The following SPIDR variants were observed in gnomAD, a reference collection of about 807,000 sequenced individuals.
SPIDR encodes the protein scaffold protein involved in DNA repair.
SPIDR carries 93 observed loss-of-function variants against 104.6 expected under a neutral mutation model. The ratio of observed to expected loss-of-function variants is 0.89; its 90% CI spans 0.75 to 1.06. SPIDR has a LOEUF of 1.06. Among genes scored for constraint, SPIDR ranks in the 50% least tolerant of loss-of-function variants. SPIDR has a pLI of 0.00. For missense variants in SPIDR, 1,154 were observed against 1,111.2 expected, an observed-to-expected ratio of 1.04 and a Z score of -0.55; for synonymous variants, 431 against 416.9, an observed-to-expected ratio of 1.03 and a Z score of -0.41.
intron 8 of SPIDR, among the ~76,000 whole-genome samples, chr8:47,585,113 G>A (rs552131144): frequency 4.6e-5 from 7 of 152,220 alleles, no homozygotes; most frequent in Admixed American, 2.6e-4. Flanking sequence ...TAAGCTTTAC[G>A]TATAATTAAT....
At chr8:47,551,676 T>C (rs190277064) in intron 8 of SPIDR, among the ~76,000 whole-genome samples, 1 of 152,208 alleles carries the variant, frequency 6.6e-6, no homozygotes, top group Non-Finnish European at 1.5e-5. Flanking sequence ...TCTTTATCAG[T>C]CTTGCTAGCG....
intron 8 of SPIDR, among the ~76,000 whole-genome samples, chr8:47,502,276 T>G (rs1317215030): frequency 2.0e-5 from 3 of 152,170 alleles, no homozygotes; most frequent in African/African-American, 7.2e-5. Flanking sequence ...GGTCCGGGGC[T>G]TTTTTGGTTG....
At chr8:47,439,462 C>T (rs1446674233) in intron 7 of SPIDR, among the ~76,000 whole-genome samples, 1 of 152,144 alleles carries the variant, frequency 6.6e-6, no homozygotes, top group Non-Finnish European at 1.5e-5. Flanking sequence ...TTTTAAGTGC[C>T]GTACAGTGTT....
chr8:47,423,869 T>G (rs1554682847), intron 7 of SPIDR, among the ~76,000 whole-genome samples: 2 of 152,218 alleles, frequency 1.3e-5, no homozygotes, highest in Non-Finnish European at 2.9e-5. Context: ...ATCATTGTAT[T>G]TTTCTTTTTT....
At chr8:47,532,546 G>C (rs1444236063) in intron 8 of SPIDR, among the ~76,000 whole-genome samples, 3 of 152,146 alleles carry the variant, frequency 2.0e-5, no homozygotes, top group Non-Finnish European at 4.4e-5. Context: ...TAAAGAGGGA[G>C]TATTACATAA....
intron 14 of SPIDR, among the ~76,000 whole-genome samples, chr8:47,702,929 G>A (rs1264062096): frequency 6.6e-6 from 1 of 152,206 alleles, no homozygotes; most frequent in Non-Finnish European, 1.5e-5. Flanking sequence ...AGTCTCAAGG[G>A]AGGGCAGGAG....
intron 8 of SPIDR, among the ~76,000 whole-genome samples, chr8:47,501,262 T>G (rs1172533217): frequency 1.3e-5 from 2 of 152,260 alleles, no homozygotes; most frequent in African/African-American, 4.8e-5. Flanking sequence ...ATATTGATTC[T>G]TCCTATCCAT....
intron 15 of SPIDR, chr8:47,713,247 C>G (rs1563636098): frequency 1.6e-6 from 1 of 612,306 alleles, no homozygotes; most frequent in East Asian, 2.9e-5. Context: ...TTTATTGAGT[C>G]ATAATTCACA....
chr8:47,390,843 A>C (rs1030493041), intron 5 of SPIDR, among the ~76,000 whole-genome samples: 3 of 152,154 alleles, frequency 2.0e-5, no homozygotes, highest in African/African-American at 7.2e-5. Flanking sequence ...TCAAAAACAA[A>C]TCTGTCTTGT....
At chr8:47,411,828 TG>T in intron 7 of SPIDR, among the ~76,000 whole-genome samples, 1 of 152,248 alleles carries the variant, frequency 6.6e-6, no homozygotes. Flanking sequence ...AATTAATTTT[TG>T]TATAAGGTGT....
chr8:47,657,164 T>G (rs1354966557), intron 10 of SPIDR, among the ~76,000 whole-genome samples: 1 of 152,216 alleles, frequency 6.6e-6, no homozygotes, highest in Non-Finnish European at 1.5e-5. Flanking sequence ...TTTTATGTTA[T>G]GTGTATTTTG....
intron 10 of SPIDR, among the ~76,000 whole-genome samples, chr8:47,667,472 CACGGTGG>C (rs2075132655): frequency 7.0e-6 from 1 of 143,732 alleles, no homozygotes; most frequent in Admixed American, 7.0e-5. Context: ...AAAAGCCAGG[CACGGTGG>C]CATGTGCCTG....
At chr8:47,455,285 CTTAG>C (rs142034378) in intron 8 of SPIDR, among the ~76,000 whole-genome samples, 96 of 152,058 alleles carry the variant, frequency 6.3e-4, no homozygotes, top group African/African-American at 1.8e-3. Flanking sequence ...ACCATTGAAA[CTTAG>C]TTAGTATTAT....
intron 19 of SPIDR, chr8:47,729,672 G>C: frequency 3.4e-6 from 2 of 579,872 alleles, no homozygotes; most frequent in South Asian, 2.4e-5. Flanking sequence ...GGTTATTTTA[G>C]ATCATTGTTG....
At chr8:47,606,387 G>T (rs1281246753) in intron 10 of SPIDR, among the ~76,000 whole-genome samples, 2 of 151,904 alleles carry the variant, frequency 1.3e-5, no homozygotes, top group Non-Finnish European at 2.9e-5. Context: ...TTAGCTGGGC[G>T]TGGTGGTGGG....
intron 3 of SPIDR, among the ~76,000 whole-genome samples, chr8:47,285,985 G>A (rs2038771825): frequency 2.0e-5 from 3 of 152,162 alleles, no homozygotes; most frequent in Non-Finnish European, 4.4e-5. Flanking sequence ...CAAGTGAAAT[G>A]AGTTACTAAT....
chr8:47,704,877 T>C (rs2080849347), intron 14 of SPIDR, among the ~76,000 whole-genome samples: 1 of 152,108 alleles, frequency 6.6e-6, no homozygotes, highest in Non-Finnish European at 1.5e-5. Flanking sequence ...TCCCATACTT[T>C]CCAAGCCTGA....
chr8:47,588,806 T>C (rs1179295273), intron 8 of SPIDR, among the ~76,000 whole-genome samples: 3 of 152,248 alleles, frequency 2.0e-5, no homozygotes, highest in South Asian at 2.1e-4. Context: ...TGTCAAGTGG[T>C]TTTTTCACAT....
intron 8 of SPIDR, among the ~76,000 whole-genome samples, chr8:47,473,065 C>T (rs1408479449): frequency 6.6e-6 from 1 of 152,198 alleles, no homozygotes; most frequent in South Asian, 2.1e-4. Context: ...GCACTCTCTC[C>T]AGGGCTGCCG....
Sources: allele counts gnomAD v4.1 joint callset (sites outside exome capture counted in the v4.1 genomes callset), GRCh38; gene constraint gnomAD v4.1.1; transcripts MANE v1.5; gene names NCBI Gene and HGNC (gene_info 2026-07-23, HGNC 2026-07-21).